The following SCARB1 variants were observed in gnomAD, a reference collection of about 807,000 sequenced individuals.
SCARB1 encodes the protein scavenger receptor class B member 1, also known as CD36 and LIMPII analogous 1.
In SCARB1, 30 loss-of-function variants were observed where a neutral mutation model predicts 57.2. The observed-to-expected ratio is 0.52, with a 90% CI of 0.39 to 0.71. The LOEUF (loss-of-function observed/expected upper bound fraction) is 0.71. Among genes scored for constraint, SCARB1 ranks in the 30% least tolerant of loss-of-function variants. The pLI is 0.00. For missense variants in SCARB1, 543 were observed against 671.2 expected, an observed-to-expected ratio of 0.81 and a Z score of 2.11; for synonymous variants, 249 against 268.3, an observed-to-expected ratio of 0.93 and a Z score of 0.70.
chr12:124,822,058 T>C lies in SCARB1; in HGVS notation c.127-4351A>G, dbSNP rs1354003842. Reference sequence around the variant, plus strand: ...CCCTCCCATCTGGCGAAATAGACCCTTTGAGCCCAGGAAGGCTGCCTGGAG... The same window carrying C: ...CCCTCCCATCTGGCGAAATAGACCCCTTGAGCCCAGGAAGGCTGCCTGGAG... On this transcript the variant is annotated intron_variant, in intron 1 of 12. Transcript: ENST00000261693. This position sits in a 1 kb window ranked among gnomAD's most constrained non-coding sequence, Gnocchi z 5.0. 6.6e-6 allele frequency among the ~76,000 whole-genome samples: 1 copy of C among 152,058 alleles called. No individual in the cohort carries two copies. Among genetic ancestry groups the C allele is most frequent in the East Asian group, 1.9e-4 (1 of 5,186 alleles).
At chr12:124,846,147 A>C (rs1952141487) in intron 1 of SCARB1, among the ~76,000 whole-genome samples, 1 of 152,186 alleles carries the variant, frequency 6.6e-6, no homozygotes, top group Non-Finnish European at 1.5e-5. Context: ...GGAGGGATGG[A>C]AATGTTTTGA....
chr12:124,814,459 C>G lies in SCARB1; in HGVS notation c.427-54G>C. ...AGGCTGGACGTGGCTGGCCCATCCTCCCTTGGCCCCAGCTGGGCCTCACAG... is the reference window on the plus strand; with the variant it reads ...AGGCTGGACGTGGCTGGCCCATCCTGCCTTGGCCCCAGCTGGGCCTCACAG... On this transcript the variant is annotated intron_variant, in intron 3 of 12. Transcript: ENST00000261693. This position sits in a 1 kb window ranked among gnomAD's most constrained non-coding sequence, Gnocchi z 4.7. The G allele has an allele frequency of 6.4e-7, 1 of 1,572,554 alleles. No individual in the cohort carries two copies. Among genetic ancestry groups the G allele is most frequent in the Admixed American group, 1.7e-5 (1 of 59,766 alleles).
intron 7 of SCARB1, among the ~76,000 whole-genome samples, chr12:124,804,088 T>A (rs894713807): frequency 1.3e-5 from 2 of 152,162 alleles, no homozygotes. Context: ...TTCAGCCTTG[T>A]GCTTGGAGTG....
At position 124,817,267 on chromosome 12, in the gene SCARB1, C is replaced by G. The variant is rs1176581846; in HGVS notation, c.284+283G>C. 6.7e-6 allele frequency among the ~76,000 whole-genome samples: 1 copy of G among 149,392 alleles called. No homozygotes were observed. The highest frequency in any genetic ancestry group is 1.5e-5 in the Non-Finnish European group (1 of 67,524). ...ACGTCTGGTGATTCGCACCTGTAAT[C>G]CCAGCACTTTGAGAGGCTGAGGCGG... On this transcript the variant is annotated intron_variant, in intron 2 of 12. Transcript: ENST00000261693. This position sits in a 1 kb window ranked among gnomAD's most constrained non-coding sequence, Gnocchi z 4.8.
At chr12:124,783,203 T>C (rs1466190270) in intron 11 of SCARB1, 1 of 221,012 alleles carries the variant, frequency 4.5e-6, no homozygotes, top group Admixed American at 5.3e-5. Flanking sequence ...AAGAATGACT[T>C]GAGAAGAAAA....
At position 124,860,313 on chromosome 12, in the gene SCARB1, A is replaced by C. The variant is rs568893388; in HGVS notation, c.126+3282T>G. On this transcript the variant is annotated intron_variant, in intron 1 of 12. Transcript: ENST00000261693. ...CTTAAGAAATTCAGTCTAAAGAAGC[A>C]GGCCAAAGGGAAAAAGATGTCAACT... Among the ~76,000 whole-genome samples, 6 of 152,372 alleles carry C rather than the reference A, an allele frequency of 3.9e-5. No homozygotes were observed. In the South Asian group the frequency reaches 1.2e-3, roughly 32 times the overall value.
At position 124,778,312 on chromosome 12, in the gene SCARB1, A is replaced by C; in HGVS notation, c.*275T>G. 1.4e-6 allele frequency: 1 copy of C among 726,322 alleles called. No individual in the cohort carries two copies. Among genetic ancestry groups the C allele is most frequent in the Admixed American group, 4.3e-5 (1 of 23,080 alleles). 45.0% of individuals were successfully genotyped at this position (726,322 alleles called of 1,614,324 possible). ...TCAGGCCTGTGGGCCACGTGGAGAGAAGGTTCCAGAACAGTGCTTGTTGAC... is the reference window on the plus strand; with the variant it reads ...TCAGGCCTGTGGGCCACGTGGAGAGCAGGTTCCAGAACAGTGCTTGTTGAC... On this transcript the variant is annotated 3_prime_UTR_variant, in exon 13 of 13. Coordinates refer to ENST00000261693, the MANE Select transcript of SCARB1 (RefSeq NM_005505.5).
At chr12:124,808,461 G>T (rs886507044) in intron 6 of SCARB1, among the ~76,000 whole-genome samples, 1 of 151,980 alleles carries the variant, frequency 6.6e-6, no homozygotes, top group Admixed American at 6.6e-5. Context: ...CTGTGCCCAG[G>T]GCCTCCCTGC....
In SCARB1 at chr12:124,817,979, C is replaced by T. The variant is rs1260878548; in HGVS notation, c.127-272G>A. ...ACACCAGTCAAGGGACTGTGGTAAA[C>T]AGGGGCCCATGCACCACCTAAAGGG... is the stretch of plus-strand genomic sequence containing the variant. On this transcript the variant is annotated intron_variant, in intron 1 of 12. Coordinates refer to ENST00000261693, the MANE Select transcript of SCARB1 (RefSeq NM_005505.5). The surrounding 1 kb of genome is among the most constrained non-coding windows in gnomAD (Gnocchi z 4.8). 1.3e-5 allele frequency among the ~76,000 whole-genome samples: 2 copies of T among 152,214 alleles called. No individual in the cohort carries two copies. The highest frequency in any genetic ancestry group is 1.9e-4 in the East Asian group (1 of 5,196).
rs907157865 is a variant in SCARB1 at position 124,787,350 on chromosome 12, A to G, written c.1254+56T>C. ...CTGCTCCCCCCGCCTCCTGCCTCAA[A>G]TGCCCACATTGGCTCTTAACAAAAG... On this transcript the variant is annotated intron_variant, in intron 10 of 12. Transcript: ENST00000261693. The G allele has an allele frequency of 3.9e-6, 6 of 1,555,938 alleles. No individual in the cohort carries two copies. In the African/African-American group the frequency reaches 4.1e-5, roughly 11 times the overall value.
Position 124,814,108 on chromosome 12 carries a change from G to A in SCARB1, c.630+94C>T. On this transcript the variant is annotated intron_variant, in intron 4 of 12. Coordinates refer to ENST00000261693, the MANE Select transcript of SCARB1 (RefSeq NM_005505.5). The surrounding 1 kb of genome is among the most constrained non-coding windows in gnomAD (Gnocchi z 4.7). ...CCCACAGCCACTAGATCCCCAGCCA[G>A]CTACAAAGCAAGCTGGTGACCAGTG... is the stretch of plus-strand genomic sequence containing the variant. 1.7e-6 allele frequency: 2 copies of A among 1,205,596 alleles called. No homozygotes were observed. The highest frequency in any genetic ancestry group is 2.5e-6 in the Non-Finnish European group (2 of 809,380). The allele number at this position is 1,205,596 out of a possible 1,614,324, so 74.7% of individuals were successfully genotyped here.
chr12:124,823,947 C>T (rs1951036492), intron 1 of SCARB1, among the ~76,000 whole-genome samples: 1 of 151,868 alleles, frequency 6.6e-6, no homozygotes, highest in Non-Finnish European at 1.5e-5. Context: ...AGTGGATCAC[C>T]TGAGGTCAGG....
chr12:124,842,122 GT>G (rs1055198145), intron 1 of SCARB1, among the ~76,000 whole-genome samples: 9 of 152,322 alleles, frequency 5.9e-5, no homozygotes, highest in Non-Finnish European at 1.2e-4. Context: ...ACTGGGGTTT[GT>G]CCCATCTGTA....
At chr12:124,823,313 C>T (rs1951014139) in intron 1 of SCARB1, among the ~76,000 whole-genome samples, 1 of 152,144 alleles carries the variant, frequency 6.6e-6, no homozygotes, top group South Asian at 2.1e-4. Flanking sequence ...AGATTAACTG[C>T]AAATGGGCAA....
At chr12:124,805,443 G>A (rs1054061369) in intron 7 of SCARB1, among the ~76,000 whole-genome samples, 6 of 151,950 alleles carry the variant, frequency 3.9e-5, no homozygotes, top group Non-Finnish European at 8.8e-5. Context: ...GGCTGGTGGG[G>A]CTGGATCCTT....
intron 1 of SCARB1, among the ~76,000 whole-genome samples, chr12:124,836,225 A>ATTCACTGGCACGCACTGGCAAGCACC (rs1951642104): frequency 6.6e-6 from 1 of 152,196 alleles, no homozygotes; most frequent in South Asian, 2.1e-4. Flanking sequence ...CATCACACGT[A>ATTCACTGGCACGCACTGGCAAGCACC]TTCACTGGCA....
chr12:124,846,969 G>A lies in SCARB1; in HGVS notation c.126+16626C>T, dbSNP rs12578209. Among the ~76,000 whole-genome samples the A allele has an allele frequency of 0.011, 1,611 of 152,192 alleles. 109 individuals carry two copies. The East Asian group carries it at 0.18, about 17-fold the overall frequency. ...TCCAAAACCGGACCAAACTAATCCC[G>A]GTGTTTAGGGATGGCTATGAGGGAG... On this transcript the variant is annotated intron_variant, in intron 1 of 12. Coordinates refer to ENST00000261693, the MANE Select transcript of SCARB1 (RefSeq NM_005505.5).
intron 1 of SCARB1, among the ~76,000 whole-genome samples, chr12:124,846,933 T>A (rs953979555): frequency 3.3e-5 from 5 of 151,978 alleles, no homozygotes; most frequent in Admixed American, 1.3e-4. Context: ...TATGCCTGCA[T>A]CCAAGTTAAG....
intron 1 of SCARB1, among the ~76,000 whole-genome samples, chr12:124,854,002 A>C (rs543752007): frequency 4.6e-5 from 7 of 152,218 alleles, no homozygotes; most frequent in Non-Finnish European, 1.0e-4. Context: ...GGCTTGGGTC[A>C]CGGCAACGAA....
Sources: gnomAD v4.1 joint callset for allele counts (sites outside exome capture counted in the v4.1 genomes callset) on GRCh38, gnomAD v4.1.1 for gene constraint, Gnocchi (gnomAD v3.1) non-coding constraint, MANE v1.5 for transcripts, NCBI Gene and HGNC (gene_info 2026-07-23, HGNC 2026-07-21) for gene names.